The following FBXO4 variants were observed in gnomAD, a reference collection of about 807,000 sequenced individuals.
FBXO4 encodes the protein F-box only protein 4.
In FBXO4, 36 loss-of-function variants were observed where a neutral mutation model predicts 43.7. The observed-to-expected ratio is 0.82, with a 90% confidence interval of 0.63 to 1.09. The LOEUF (loss-of-function observed/expected upper bound fraction) is 1.09. FBXO4 is among the 50% of genes least tolerant of loss of function. FBXO4 has a pLI of 0.00. For missense variants in FBXO4, 435 were observed against 474.1 expected, an observed-to-expected ratio of 0.92 and a Z score of 0.77; for synonymous variants, 180 against 165.6, an observed-to-expected ratio of 1.09 and a Z score of -0.67.
At chr5:41,988,838 CAG>C in the FBXO4 span, among the ~76,000 whole-genome samples, 13 of 152,128 alleles carry the variant, frequency 8.5e-5, no homozygotes, top group African/African-American at 2.9e-4. Context: ...CACCAAAACT[CAG>C]AAATAATTTT....
the FBXO4 span, among the ~76,000 whole-genome samples, chr5:42,040,285 G>T: frequency 6.6e-6 from 1 of 151,802 alleles, no homozygotes; most frequent in African/African-American, 2.4e-5. Context: ...CCCCACTATG[G>T]TATAAGCTTC....
At chr5:41,976,921 T>C in the FBXO4 span, among the ~76,000 whole-genome samples, 2 of 152,230 alleles carry the variant, frequency 1.3e-5, no homozygotes, top group African/African-American at 4.8e-5. Flanking sequence ...AGGAGAAAGC[T>C]GTCAAGCCTC....
the FBXO4 span, among the ~76,000 whole-genome samples, chr5:41,971,197 T>C: frequency 7.1e-6 from 1 of 140,894 alleles, no homozygotes; most frequent in Non-Finnish European, 1.5e-5. Context: ...GATGTAAAAC[T>C]AGAGAGAGGT....
chr5:41,974,288 T>C, the FBXO4 span, among the ~76,000 whole-genome samples: 6 of 152,214 alleles, frequency 3.9e-5, no homozygotes, highest in African/African-American at 1.4e-4. Flanking sequence ...TCTTGGCCTT[T>C]TTCCTTCAAG....
At chr5:42,008,351 G>A in the FBXO4 span, among the ~76,000 whole-genome samples, 1 of 152,112 alleles carries the variant, frequency 6.6e-6, no homozygotes, top group Non-Finnish European at 1.5e-5. Flanking sequence ...ATTGCTTTCT[G>A]TTTTTCCTCC....
At chr5:42,024,691 C>G in the FBXO4 span, among the ~76,000 whole-genome samples, 1 of 152,132 alleles carries the variant, frequency 6.6e-6, no homozygotes, top group South Asian at 2.1e-4. Flanking sequence ...CTCTGCCTCT[C>G]CACCACCCAC....
At position 41,939,628 on chromosome 5, in the gene FBXO4, T is replaced by C. The variant is rs1480599425; in HGVS notation, c.1074+12T>C. ...ATCACCCATGGCTGGTAAGATCATT[T>C]ATACTCTAGTGACAAAAATTTTATT... is the stretch of plus-strand genomic sequence containing the variant. On this transcript the variant is annotated intron_variant, in intron 6 of 6. Transcript: ENST00000281623. 1 of 1,575,576 alleles carries C rather than the reference T, an allele frequency of 6.3e-7. No homozygotes were observed. Among genetic ancestry groups the C allele is most frequent in the Admixed American group, 1.9e-5 (1 of 53,262 alleles).
the FBXO4 span, among the ~76,000 whole-genome samples, chr5:41,955,835 A>C: frequency 6.6e-6 from 1 of 152,214 alleles, no homozygotes; most frequent in Non-Finnish European, 1.5e-5. Flanking sequence ...ACACGGCACC[A>C]ACCAGCATGG....
the FBXO4 span, among the ~76,000 whole-genome samples, chr5:41,974,802 ATG>A: frequency 6.6e-6 from 1 of 151,984 alleles, no homozygotes; most frequent in Non-Finnish European, 1.5e-5. Context: ...GTGTGTATGC[ATG>A]TGTGTTTTAT....
At chr5:42,000,309 C>T in the FBXO4 span, among the ~76,000 whole-genome samples, 1 of 152,162 alleles carries the variant, frequency 6.6e-6, no homozygotes, top group Non-Finnish European at 1.5e-5. Context: ...GCACAGACAT[C>T]TCTTTAAGAT....
chr5:41,927,270 T>C, intron 2 of FBXO4, 22 bp downstream of exon 2: 1 of 1,512,348 alleles, frequency 6.6e-7, no homozygotes, highest in Non-Finnish European at 8.9e-7. Context: ...GTTTTATGAA[T>C]TAAAAAGAAG....
chr5:41,959,415 T>C, the FBXO4 span, among the ~76,000 whole-genome samples: 1 of 151,396 alleles, frequency 6.6e-6, no homozygotes, highest in Non-Finnish European at 1.5e-5. Flanking sequence ...CTATTTATCT[T>C]CTTGTTGCCT....
chr5:42,013,830 C>T, the FBXO4 span, among the ~76,000 whole-genome samples: 1 of 152,060 alleles, frequency 6.6e-6, no homozygotes, highest in East Asian at 1.9e-4. Flanking sequence ...TGGCTTCTGG[C>T]CAGTAGTGTA....
the FBXO4 span, among the ~76,000 whole-genome samples, chr5:41,965,241 A>C: frequency 6.6e-6 from 1 of 152,128 alleles, no homozygotes; most frequent in Non-Finnish European, 1.5e-5. Flanking sequence ...CCATTGATCT[A>C]TATCTCTGTT....
the FBXO4 span, among the ~76,000 whole-genome samples, chr5:41,993,035 T>C: frequency 6.6e-6 from 1 of 152,198 alleles, no homozygotes; most frequent in African/African-American, 2.4e-5. Flanking sequence ...TGCTTTTAAA[T>C]GTAAAAACAT....
At chr5:41,992,163 G>A in the FBXO4 span, among the ~76,000 whole-genome samples, 1 of 151,902 alleles carries the variant, frequency 6.6e-6, no homozygotes, top group African/African-American at 2.4e-5. Flanking sequence ...ATAACACACT[G>A]GTTTATTTAG....
At chr5:42,015,014 C>T in the FBXO4 span, among the ~76,000 whole-genome samples, 1 of 151,982 alleles carries the variant, frequency 6.6e-6, no homozygotes, top group Non-Finnish European at 1.5e-5. Flanking sequence ...GGTGAGTGTA[C>T]CAAAAATATT....
chr5:42,028,990 G>C, the FBXO4 span, among the ~76,000 whole-genome samples: 2 of 151,876 alleles, frequency 1.3e-5, no homozygotes, highest in Non-Finnish European at 2.9e-5. Context: ...ATCACAGTTA[G>C]TGTTATAACA....
chr5:41,926,957 C>A (rs768104620), intron 1 of FBXO4, 56 bp from the exon 2 acceptor site: 2 of 1,101,882 alleles, frequency 1.8e-6, no homozygotes, highest in Non-Finnish European at 1.3e-6. Context: ...TGGTTTATCA[C>A]CCAAAAACTA....
Sources: allele counts gnomAD v4.1 joint callset (sites outside exome capture counted in the v4.1 genomes callset), GRCh38; gene constraint gnomAD v4.1.1; transcripts MANE v1.5; gene names NCBI Gene and HGNC (gene_info 2026-07-23, HGNC 2026-07-21).